The following PARD6G variants were observed in gnomAD, a reference collection of about 807,000 sequenced individuals.
The protein encoded by PARD6G is par-6 family cell polarity regulator gamma.
PARD6G carries 7 observed loss-of-function variants against 10.7 expected under a neutral mutation model. The ratio of observed to expected loss-of-function variants is 0.66; its 90% CI spans 0.37 to 1.23. The LOEUF (loss-of-function observed/expected upper bound fraction) is 1.23. PARD6G is among the 50% of genes most tolerant of loss of function. The probability of loss-of-function intolerance (pLI) is 0.02; values close to 1 mark genes in which losing one functional copy is unlikely to be tolerated. For synonymous variants in PARD6G, 287 were observed against 269.4 expected, an observed-to-expected ratio of 1.07 and a Z score of -0.64; for missense variants, 548 against 571.8, an observed-to-expected ratio of 0.96 and a Z score of 0.42.
intron 2 of PARD6G, 33 bp downstream of exon 2, chr18:80,202,677 C>A (rs770948353): frequency 6.3e-7 from 1 of 1,577,600 alleles, no homozygotes; most frequent in African/African-American, 1.3e-5. Flanking sequence ...GATTTCTCAA[C>A]AAGACCAGCC....
chr18:80,233,067 A>AC (rs1439373410), intron 1 of PARD6G, among the ~76,000 whole-genome samples: 6 of 150,714 alleles, frequency 4.0e-5, no homozygotes, highest in African/African-American at 1.5e-4. Flanking sequence ...ACACGCAGGG[A>AC]CCCCAGCTGC....
intron 2 of PARD6G, among the ~76,000 whole-genome samples, chr18:80,164,831 A>C (rs2052724490): frequency 6.6e-6 from 1 of 152,072 alleles, no homozygotes; most frequent in South Asian, 2.1e-4. Flanking sequence ...TCAAAACGGG[A>C]GGGGGTGTAA....
At chr18:80,195,548 C>CATATATATATATATATATAT (rs201373415) in intron 2 of PARD6G, among the ~76,000 whole-genome samples, 2,722 of 81,210 alleles carry the variant, frequency 0.034, 171 homozygotes, top group Non-Finnish European at 0.045. Context: ...TTCAAAGATA[C>CATATATATATATATATATAT]ATATATATAT....
At chr18:80,195,702 G>T (rs1264934071) in intron 2 of PARD6G, among the ~76,000 whole-genome samples, 1 of 149,902 alleles carries the variant, frequency 6.7e-6, no homozygotes, top group Non-Finnish European at 1.5e-5. Flanking sequence ...GTGAAACCCT[G>T]TCTCTACTAA....
intron 2 of PARD6G, chr18:80,187,741 C>T (rs1235443065): frequency 6.6e-6 from 1 of 152,224 alleles, no homozygotes; most frequent in East Asian, 1.9e-4. Context: ...GGTCAGGCCC[C>T]GTTCGGAGAG....
chr18:80,184,073 C>T lies in PARD6G; in HGVS notation c.295+18637G>A, dbSNP rs2052860744. 1 of 152,212 alleles carries T rather than the reference C, an allele frequency of 6.6e-6. No individual in the cohort carries two copies. Among genetic ancestry groups the T allele is most frequent in the South Asian group, 2.1e-4 (1 of 4,836 alleles). The allele number at this position is 152,212 out of a possible 1,614,324, so 9.4% of individuals were successfully genotyped here. On this transcript the variant is annotated intron_variant, in intron 2 of 2. Coordinates refer to ENST00000353265, the MANE Select transcript of PARD6G (RefSeq NM_032510.4). This position sits in a 1 kb window ranked among gnomAD's most constrained non-coding sequence, Gnocchi z 4.5. Reference sequence around the variant, plus strand: ...TTTATTGTCCAAACCAGACCCACCCCAATGCATTTGCCTCTGATGTGAGAA... The same window carrying T: ...TTTATTGTCCAAACCAGACCCACCCTAATGCATTTGCCTCTGATGTGAGAA...
Position 80,163,361 on chromosome 18 carries a change from ACACACG to A in PARD6G, c.296-2761_296-2756del, listed in dbSNP as rs2052713626. ...GTGAAACAGCCTGGCCGCCTGTCCCACACACGGGCAGAGTACAGTGAGGCTTGGCCC... is the reference window on the plus strand; with the variant it reads ...GTGAAACAGCCTGGCCGCCTGTCCCAGGCAGAGTACAGTGAGGCTTGGCCC... On this transcript the variant is annotated intron_variant, in intron 2 of 2. Transcript: ENST00000353265. 2.0e-5 allele frequency among the ~76,000 whole-genome samples: 3 copies of A among 152,298 alleles called. No individual in the cohort carries two copies. The South Asian group carries it at 6.2e-4, about 32-fold the overall frequency.
chr18:80,159,598 G>T lies in PARD6G; in HGVS notation c.*173C>A. 9.0e-7 allele frequency: 1 copy of T among 1,116,536 alleles called. No homozygotes were observed. The highest frequency in any genetic ancestry group is 1.2e-6 in the Non-Finnish European group (1 of 867,520). 69.2% of individuals were successfully genotyped at this position (1,116,536 alleles called of 1,614,324 possible). On this transcript the variant is annotated 3_prime_UTR_variant, in exon 3 of 3. Transcript: ENST00000353265. ...AGGCGTTCATTTTAAGTTCTGTGGC[G>T]AAATTCTATAAAAATAGGCAATACT...
At position 80,242,910 on chromosome 18, in the gene PARD6G, G is replaced by A. The variant is rs546708345; in HGVS notation, c.72+4367C>T. ...AGCGCTAGAAGGAGGAAAGAAGAAA[G>A]GGATGGGGAGAAAGAAACAGATGAA... On this transcript the variant is annotated intron_variant, in intron 1 of 2. Transcript: ENST00000353265. 5.9e-5 allele frequency among the ~76,000 whole-genome samples: 9 copies of A among 152,244 alleles called. No homozygotes were observed. In the South Asian group the frequency reaches 1.9e-3, roughly 32 times the overall value.
rs923717893 is a variant in PARD6G at position 80,247,426 on chromosome 18, A to AGGCCCCGGCCCC, written c.-90_-79dup. On this transcript the variant is annotated 5_prime_UTR_variant, in exon 1 of 3. Coordinates refer to ENST00000353265, the MANE Select transcript of PARD6G (RefSeq NM_032510.4). The surrounding 1 kb of genome is among the most constrained non-coding windows in gnomAD (Gnocchi z 4.2). ...AAAGACTCCCGGGGGCGGCGCCCCC[A>AGGCCCCGGCCCC]GGCCCCGGCCCCGGCCCCGGCCCGC... The AGGCCCCGGCCCC allele has an allele frequency of 1.3e-3, 1,599 of 1,214,778 alleles. 27 individuals are homozygous for AGGCCCCGGCCCC. The African/African-American group carries it at 0.024, about 18-fold the overall frequency. The allele number at this position is 1,214,778 out of a possible 1,614,324, so 75.2% of individuals were successfully genotyped here.
intron 2 of PARD6G, among the ~76,000 whole-genome samples, chr18:80,190,763 A>G (rs1966890675): frequency 6.6e-6 from 1 of 152,126 alleles, no homozygotes; most frequent in African/African-American, 2.4e-5. Flanking sequence ...CTACAGAGAC[A>G]ACGCCTCTGA....
rs1230969039 is a variant in PARD6G, at chr18:80,159,659, G to C, written c.*112C>G. 2 of 1,295,746 alleles carry C rather than the reference G, an allele frequency of 1.5e-6. No individual in the cohort carries two copies. Among genetic ancestry groups the C allele is most frequent in the Non-Finnish European group, 2.0e-6 (2 of 1,015,402 alleles). 80.3% of individuals were successfully genotyped at this position (1,295,746 alleles called of 1,614,324 possible). ...TATCCGGAAGTTGAAACAAAGAGCA[G>C]CGTTGTTTTTGTGGTCACAAAAACA... is the stretch of plus-strand genomic sequence containing the variant. On this transcript the variant is annotated 3_prime_UTR_variant, in exon 3 of 3. Coordinates refer to ENST00000353265, the MANE Select transcript of PARD6G (RefSeq NM_032510.4).
chr18:80,179,556 T>C (rs1252280722), intron 2 of PARD6G, among the ~76,000 whole-genome samples: 3 of 152,182 alleles, frequency 2.0e-5, no homozygotes, highest in African/African-American at 7.2e-5. Context: ...CCTGCTGCCC[T>C]GGGCCCACGT....
At position 80,159,650 on chromosome 18, in the gene PARD6G, C is replaced by G. The variant is rs1483953302; in HGVS notation, c.*121G>C. ...GTGTTTTTATATCCGGAAGTTGAAA[C>G]AAAGAGCAGCGTTGTTTTTGTGGTC... On this transcript the variant is annotated 3_prime_UTR_variant, in exon 3 of 3. Transcript: ENST00000353265. 1 of 1,286,684 alleles carries G rather than the reference C, an allele frequency of 7.8e-7. No homozygotes were observed. The highest frequency in any genetic ancestry group is 3.2e-5 in the East Asian group (1 of 31,234). 79.7% of individuals were successfully genotyped at this position (1,286,684 alleles called of 1,614,324 possible).
intron 1 of PARD6G, among the ~76,000 whole-genome samples, chr18:80,244,701 A>G (rs916950722): frequency 6.6e-6 from 1 of 152,216 alleles, no homozygotes; most frequent in African/African-American, 2.4e-5. Context: ...TCACAAATGC[A>G]GTAGGTGGCA....
rs1199833606 is a variant in PARD6G, at chr18:80,182,670, G to GACACCCT, written c.295+20033_295+20039dup. Among the ~76,000 whole-genome samples, 1 of 152,214 alleles carries GACACCCT rather than the reference G, an allele frequency of 6.6e-6. No individual in the cohort carries two copies. The highest frequency in any genetic ancestry group is 1.5e-5 in the Non-Finnish European group (1 of 68,032). ...AGGGAAAAAAGGTGCAAGTCCAACA[G>GACACCCT]ACACCCTTTCCAGTCACCTAGACAT... On this transcript the variant is annotated intron_variant, in intron 2 of 2. Coordinates refer to ENST00000353265, the MANE Select transcript of PARD6G (RefSeq NM_032510.4). This position sits in a 1 kb window ranked among gnomAD's most constrained non-coding sequence, Gnocchi z 4.5.
Position 80,228,703 on chromosome 18 carries a change from C to A in PARD6G, c.72+18574G>T, listed in dbSNP as rs1442739007. Among the ~76,000 whole-genome samples, 1 of 151,360 alleles carries A rather than the reference C, an allele frequency of 6.6e-6. No homozygotes were observed. The highest frequency in any genetic ancestry group is 1.5e-5 in the Non-Finnish European group (1 of 67,816). On this transcript the variant is annotated intron_variant, in intron 1 of 2. Coordinates refer to ENST00000353265, the MANE Select transcript of PARD6G (RefSeq NM_032510.4). This position sits in a 1 kb window ranked among gnomAD's most constrained non-coding sequence, Gnocchi z 4.6. ...CACAGACTGCGCCTCCCACCTAAGG[C>A]CCTTCTCCACCAAAGACCTGCCTCA...
intron 2 of PARD6G, among the ~76,000 whole-genome samples, chr18:80,186,311 G>A (rs1372895834): frequency 4.3e-5 from 5 of 117,288 alleles, no homozygotes; most frequent in African/African-American, 1.7e-4. Context: ...ATGCACACAT[G>A]CACCCTCACA....
chr18:80,190,765 C>T (rs1331020104), intron 2 of PARD6G, among the ~76,000 whole-genome samples: 4 of 152,114 alleles, frequency 2.6e-5, no homozygotes, highest in African/African-American at 4.8e-5. Flanking sequence ...ACAGAGACAA[C>T]GCCTCTGACT....
Sources: gnomAD v4.1 joint callset for allele counts (sites outside exome capture counted in the v4.1 genomes callset) on GRCh38, gnomAD v4.1.1 for gene constraint, Gnocchi (gnomAD v3.1) non-coding constraint, MANE v1.5 for transcripts, NCBI Gene and HGNC (gene_info 2026-07-23, HGNC 2026-07-21) for gene names.